ASIC2: variants seen among roughly 807,000 people sequenced by gnomAD.
ASIC2 encodes acid-sensing ion channel 2.
ASIC2 carries 25 observed loss-of-function variants against 57.3 expected under a neutral mutation model. The observed-to-expected ratio is 0.44, with a 90% CI of 0.32 to 0.61. The LOEUF is 0.61. ASIC2 is among the 20% of genes least tolerant of loss of function. ASIC2 has a pLI of 0.06. For missense variants in ASIC2, 641 were observed against 738.1 expected (o/e 0.87, Z 1.52); for synonymous variants, 319 against 307.5 (o/e 1.04, Z -0.39).
intron 1 of ASIC2, among the ~76,000 whole-genome samples, chr17:33,913,468 A>G (rs1454935020): frequency 6.6e-6 from 1 of 152,132 alleles, no homozygotes; most frequent in Non-Finnish European, 1.5e-5. Context: ...TATTCTGTTT[A>G]TTATGGCATC....
chr17:33,849,728 T>C (rs1021140032), intron 1 of ASIC2, among the ~76,000 whole-genome samples: 1 of 152,132 alleles, frequency 6.6e-6, no homozygotes, highest in African/African-American at 2.4e-5. Context: ...AATAGCACTG[T>C]CAAAGCCTGA....
intron 1 of ASIC2, among the ~76,000 whole-genome samples, chr17:33,848,476 G>T (rs960355143): frequency 1.3e-5 from 2 of 152,086 alleles, no homozygotes; most frequent in Non-Finnish European, 2.9e-5. Context: ...CAGAGGACAG[G>T]CACTGAGCTG....
intron 1 of ASIC2, among the ~76,000 whole-genome samples, chr17:34,126,823 C>T (rs182041120): frequency 2.0e-5 from 3 of 152,262 alleles, no homozygotes; most frequent in African/African-American, 7.2e-5. Flanking sequence ...CAGAGCTGAG[C>T]GGGGCCTGAG....
intron 1 of ASIC2, among the ~76,000 whole-genome samples, chr17:33,252,628 T>TGGTGCAGCCCCCTCATTCTTG (rs1908924428): frequency 6.6e-6 from 1 of 152,070 alleles, no homozygotes; most frequent in Non-Finnish European, 1.5e-5. Context: ...TAGTGCAACT[T>TGGTGCAGCCCCCTCATTCTTG]GGTGCAGCCC....
chr17:33,847,734 G>A (rs1913650480), intron 1 of ASIC2, among the ~76,000 whole-genome samples: 1 of 152,190 alleles, frequency 6.6e-6, no homozygotes, highest in South Asian at 2.1e-4. Context: ...AGAGGAAGAG[G>A]CAGATGAGCA....
At chr17:33,802,770 G>A (rs568542183) in intron 1 of ASIC2, among the ~76,000 whole-genome samples, 123 of 152,370 alleles carry the variant, frequency 8.1e-4, no homozygotes, top group African/African-American at 2.8e-3. Flanking sequence ...AGAGGCCAGG[G>A]ACATGCTGTT....
intron 1 of ASIC2, among the ~76,000 whole-genome samples, chr17:33,690,676 T>C (rs1043499425): frequency 6.6e-6 from 1 of 151,686 alleles, no homozygotes; most frequent in African/African-American, 2.4e-5. Context: ...CTACCACAAG[T>C]AGACTTGCAT....
intron 1 of ASIC2, among the ~76,000 whole-genome samples, chr17:33,232,757 A>G (rs1170204719): frequency 6.6e-6 from 1 of 152,168 alleles, no homozygotes; most frequent in East Asian, 1.9e-4. Flanking sequence ...AATTCAAATA[A>G]ACCCATTAAT....
At chr17:33,029,331 G>C (rs147670681) in intron 3 of ASIC2, among the ~76,000 whole-genome samples, 161 of 152,244 alleles carry the variant, frequency 1.1e-3, no homozygotes, top group African/African-American at 3.7e-3. Context: ...TCTCACCATA[G>C]GTTGGCTTTG....
At chr17:33,872,168 T>A (rs1914431682) in intron 1 of ASIC2, among the ~76,000 whole-genome samples, 1 of 152,112 alleles carries the variant, frequency 6.6e-6, no homozygotes, top group South Asian at 2.1e-4. Flanking sequence ...TTCTGTTGCT[T>A]CCTGTGTTTG....
At chr17:33,986,970 C>T (rs1416758601) in intron 1 of ASIC2, among the ~76,000 whole-genome samples, 1 of 152,148 alleles carries the variant, frequency 6.6e-6, no homozygotes, top group Non-Finnish European at 1.5e-5. Flanking sequence ...CCCTCATTAG[C>T]AGTGGCCATA....
intron 1 of ASIC2, among the ~76,000 whole-genome samples, chr17:33,868,179 G>T (rs1219597016): frequency 1.0e-5 from 1 of 99,192 alleles, no homozygotes; most frequent in African/African-American, 3.2e-5. Flanking sequence ...GTCAACAAAT[G>T]TATGTGTGTG....
intron 1 of ASIC2, among the ~76,000 whole-genome samples, chr17:33,385,700 G>A (rs896418397): frequency 6.6e-6 from 1 of 152,234 alleles, no homozygotes; most frequent in Non-Finnish European, 1.5e-5. Context: ...AGTTTTGGCA[G>A]GAAGCTTTGC....
At chr17:33,657,316 AGCAAACTTC>A (rs1907108189) in intron 1 of ASIC2, among the ~76,000 whole-genome samples, 1 of 152,172 alleles carries the variant, frequency 6.6e-6, no homozygotes, top group Admixed American at 6.5e-5. Context: ...CTGGCTGGCA[AGCAAACTTC>A]CCACTGCCTT....
At chr17:33,298,837 C>T (rs889091884) in intron 1 of ASIC2, among the ~76,000 whole-genome samples, 1 of 152,196 alleles carries the variant, frequency 6.6e-6, no homozygotes, top group Non-Finnish European at 1.5e-5. Context: ...CTCCCATTCA[C>T]AATTGCTTCA....
intron 1 of ASIC2, among the ~76,000 whole-genome samples, chr17:33,355,307 C>T (rs530917560): frequency 4.6e-5 from 7 of 152,202 alleles, no homozygotes; most frequent in East Asian, 3.9e-4. Context: ...TGCACTCCAG[C>T]GTGGACAACA....
At chr17:33,517,620 G>C (rs1284314010) in intron 1 of ASIC2, among the ~76,000 whole-genome samples, 1 of 145,364 alleles carries the variant, frequency 6.9e-6, no homozygotes, top group Non-Finnish European at 1.5e-5. Context: ...ACACAAGTGA[G>C]AGAGCACTCA....
At chr17:33,205,251 C>A (rs956111902) in intron 1 of ASIC2, among the ~76,000 whole-genome samples, 3 of 152,180 alleles carry the variant, frequency 2.0e-5, no homozygotes, top group African/African-American at 7.2e-5. Context: ...CCTGTGTGCC[C>A]CTTGCATCAC....
Position 33,156,585 on chromosome 17 carries a change from GTC to G in ASIC2, c.709-44520_709-44519del, listed in dbSNP as rs1905010111. On this transcript the variant is annotated intron_variant, in intron 1 of 9. Coordinates refer to ENST00000225823, the MANE Select transcript of ASIC2 (RefSeq NM_183377.2). ...AGCCTGACCAACATGTTGAAACTCT[GTC>G]TCTAATAAAAATACAAAAATTAGCC... is the stretch of plus-strand genomic sequence containing the variant. 4.6e-5 allele frequency among the ~76,000 whole-genome samples: 7 copies of G among 151,836 alleles called. No individual in the cohort carries two copies. In the South Asian group the frequency reaches 1.5e-3, roughly 32 times the overall value.
Sources: allele counts gnomAD v4.1 joint callset (sites outside exome capture counted in the v4.1 genomes callset), GRCh38; gene constraint gnomAD v4.1.1; transcripts MANE v1.5; gene names NCBI Gene and HGNC (gene_info 2026-07-23, HGNC 2026-07-21).